The following ITGA9 variants were observed in gnomAD, a reference collection of about 807,000 sequenced individuals.
ITGA9 encodes the protein integrin alpha-9.
In ITGA9, 56 loss-of-function variants were observed where a neutral mutation model predicts 127.8. The observed-to-expected ratio is 0.44, with a 90% confidence interval of 0.35 to 0.55. The LOEUF (loss-of-function observed/expected upper bound fraction) is 0.55, where lower values mean the gene tolerates loss of function less well. Among genes scored for constraint, ITGA9 ranks in the 20% least tolerant of loss-of-function variants. The probability of loss-of-function intolerance (pLI) is 0.00; values close to 1 mark genes in which losing one functional copy is unlikely to be tolerated. For synonymous variants in ITGA9, 508 were observed against 514.5 expected (o/e 0.99, Z 0.17); for missense variants, 1,196 against 1,347.1 (o/e 0.89, Z 1.76).
rs150374185 is a variant in ITGA9, at chr3:37,574,780, G to T, written c.1689+32195G>T. Among the ~76,000 whole-genome samples the T allele has an allele frequency of 5.0e-3, 754 of 152,216 alleles. 7 individuals are homozygous for T. The highest frequency in any genetic ancestry group is 0.015 in the African/African-American group (635 of 41,528). ...TCTTTGCAGAAGGGGGGTTTCTTTG[G>T]GTGGGGCTGTGCTCAGCCCTTCCGG... is the stretch of plus-strand genomic sequence containing the variant. On this transcript the variant is annotated intron_variant, in intron 15 of 27. Coordinates refer to ENST00000264741, the MANE Select transcript of ITGA9 (RefSeq NM_002207.3).
At chr3:37,567,340 G>A (rs1405943147) in intron 15 of ITGA9, among the ~76,000 whole-genome samples, 1 of 152,114 alleles carries the variant, frequency 6.6e-6, no homozygotes, top group Admixed American at 6.5e-5. Flanking sequence ...ACCTCCCACT[G>A]GGTCCCTCCC....
At chr3:37,493,358 G>T (rs1559519786) in intron 4 of ITGA9, among the ~76,000 whole-genome samples, 2 of 152,164 alleles carry the variant, frequency 1.3e-5, no homozygotes, top group African/African-American at 4.8e-5. Flanking sequence ...TGGTACCAGA[G>T]ACTTGCCAGG....
intron 17 of ITGA9, among the ~76,000 whole-genome samples, chr3:37,669,184 C>A (rs774582157): frequency 1.9e-4 from 29 of 152,366 alleles, no homozygotes; most frequent in South Asian, 1.2e-3. Context: ...ACATCCCTTG[C>A]TGTGCAGGTG....
chr3:37,779,803 C>A, intron 24 of ITGA9, 99 bp from the exon 25 acceptor site: 1 of 1,172,252 alleles, frequency 8.5e-7, no homozygotes, highest in Non-Finnish European at 1.3e-6. Flanking sequence ...CTGGAATTGC[C>A]TTAGTCACCA....
At chr3:37,628,653 G>C (rs926516152) in intron 15 of ITGA9, among the ~76,000 whole-genome samples, 9 of 152,136 alleles carry the variant, frequency 5.9e-5, no homozygotes, top group Non-Finnish European at 7.3e-5. Flanking sequence ...TGGGGCTTGA[G>C]ATTCTTGGAT....
intron 15 of ITGA9, among the ~76,000 whole-genome samples, chr3:37,600,186 T>A (rs561291961): frequency 6.6e-6 from 1 of 152,142 alleles, no homozygotes; most frequent in Non-Finnish European, 1.5e-5. Flanking sequence ...ACTTAGTCAA[T>A]AAAAAATAAG....
At chr3:37,466,029 A>T (rs781353208) in intron 1 of ITGA9, among the ~76,000 whole-genome samples, 1 of 152,096 alleles carries the variant, frequency 6.6e-6, no homozygotes, top group Non-Finnish European at 1.5e-5. Flanking sequence ...CCTATCTGTA[A>T]AATGGGGATA....
At chr3:37,741,422 C>G (rs1026715093) in intron 20 of ITGA9, among the ~76,000 whole-genome samples, 1 of 152,206 alleles carries the variant, frequency 6.6e-6, no homozygotes, top group South Asian at 2.1e-4. Flanking sequence ...GCACGACCCT[C>G]CTGTATGGCA....
rs138433560 is a variant in ITGA9 at position 37,706,080 on chromosome 3, G to C, written c.2067+22065G>C. 1.9e-3 allele frequency among the ~76,000 whole-genome samples: 290 copies of C among 152,282 alleles called. 1 individual carries two copies. Among genetic ancestry groups the C allele is most frequent in the African/African-American group, 6.7e-3 (280 of 41,554 alleles). Reference sequence around the variant, plus strand: ...CTCTGTGGGGTGGGTGTGCCATTTGGGGGGAAATGAAACCAGAGGAAGTTT... The same window carrying C: ...CTCTGTGGGGTGGGTGTGCCATTTGCGGGGAAATGAAACCAGAGGAAGTTT... On this transcript the variant is annotated intron_variant, in intron 18 of 27. Transcript: ENST00000264741.
intron 18 of ITGA9, among the ~76,000 whole-genome samples, chr3:37,701,657 C>T (rs1315590657): frequency 1.3e-5 from 2 of 152,328 alleles, no homozygotes; most frequent in South Asian, 4.1e-4. Flanking sequence ...AAAAAGTCCT[C>T]AGGTGAAAAA....
At chr3:37,689,506 G>C (rs1252526228) in intron 18 of ITGA9, among the ~76,000 whole-genome samples, 1 of 152,192 alleles carries the variant, frequency 6.6e-6, no homozygotes. Flanking sequence ...GTTGCCTGCC[G>C]GGCAAGGAAC....
chr3:37,473,401 G>T lies in ITGA9; in HGVS notation c.361G>T (p.Asp121Tyr). 1 of 1,614,126 alleles carries T rather than the reference G, an allele frequency of 6.2e-7. No homozygotes were observed. Residue 121 changes from aspartate (D) to tyrosine (Y), a missense_variant, in exon 3 of 28, where the codon GAT (aspartate) becomes TAT (tyrosine). Physicochemically the swap from Asp to Tyr is radical, Grantham distance 160 (BLOSUM62 -3). Coordinates refer to ENST00000264741, the MANE Select transcript of ITGA9 (RefSeq NM_002207.3). ...SCGKTCREDR[D>Y]DEWMGVSLAR... is the part of the protein sequence containing the mutation. ...CGGAAAGACCTGCCGGGAAGACCGC[G>T]ATGATGAGTGGATGGGGGTGAGCCT...
In ITGA9 at chr3:37,532,161, T is replaced by C. The variant is rs75543205; in HGVS notation, c.1374-1153T>C. 9.0e-3 allele frequency among the ~76,000 whole-genome samples: 1,373 copies of C among 152,366 alleles called. 21 individuals are homozygous for C. The highest frequency in any genetic ancestry group is 0.031 in the African/African-American group (1,304 of 41,576). ...GCTATTGTCTGACTTCCGTTTGTCCTGTGGCCAGATTTGCTCTGGAAGTCC... is the reference window on the plus strand; with the variant it reads ...GCTATTGTCTGACTTCCGTTTGTCCCGTGGCCAGATTTGCTCTGGAAGTCC... On this transcript the variant is annotated intron_variant, in intron 13 of 27. Coordinates refer to ENST00000264741, the MANE Select transcript of ITGA9 (RefSeq NM_002207.3).
Position 37,475,116 on chromosome 3 carries a change from T to C in ITGA9, c.420+1656T>C, listed in dbSNP as rs538669540. Among the ~76,000 whole-genome samples the C allele has an allele frequency of 1.6e-3, 251 of 152,294 alleles. 2 individuals are homozygous for C. The South Asian group carries it at 0.028, about 17-fold the overall frequency. On this transcript the variant is annotated intron_variant, in intron 3 of 27. Coordinates refer to ENST00000264741, the MANE Select transcript of ITGA9 (RefSeq NM_002207.3). ...CTGTCATGGCTGGCCCTGGACCCTC[T>C]CCAAACTTCCACATTCCTCCAGGCA... is the stretch of plus-strand genomic sequence containing the variant.
At chr3:37,665,138 A>G (rs192445613) in intron 17 of ITGA9, among the ~76,000 whole-genome samples, 347 of 151,796 alleles carry the variant, frequency 2.3e-3, no homozygotes, top group African/African-American at 6.9e-3. Context: ...ATGCCCAGCT[A>G]ATTTTTGTAT....
Position 37,789,701 on chromosome 3 carries a change from G to A in ITGA9, c.2889+4623G>A, listed in dbSNP as rs369801910. ...GGAGAATGGCGTGAACCCAGAAGGCGGAGCTTGCAGTGAGCTGAGATCACG... is the reference window on the plus strand; with the variant it reads ...GGAGAATGGCGTGAACCCAGAAGGCAGAGCTTGCAGTGAGCTGAGATCACG... On this transcript the variant is annotated intron_variant, in intron 26 of 27. Transcript: ENST00000264741. Among the ~76,000 whole-genome samples the A allele has an allele frequency of 2.3e-4, 33 of 144,948 alleles. No homozygotes were observed. The East Asian group carries it at 2.9e-3, about 13-fold the overall frequency.
intron 20 of ITGA9, 83 bp from the exon 21 acceptor site, chr3:37,741,647 C>A: frequency 9.3e-7 from 1 of 1,069,556 alleles, no homozygotes; most frequent in Non-Finnish European, 1.4e-6. Context: ...TGTAGAGATT[C>A]AACTCTAAAG....
intron 15 of ITGA9, among the ~76,000 whole-genome samples, chr3:37,588,545 G>A (rs1699782346): frequency 6.6e-6 from 1 of 152,236 alleles, no homozygotes; most frequent in South Asian, 2.1e-4. Context: ...GGCTGTTGGG[G>A]CAGGGATTTC....
intron 1 of ITGA9, among the ~76,000 whole-genome samples, chr3:37,456,551 C>T (rs1430029116): frequency 6.6e-6 from 1 of 152,204 alleles, no homozygotes; most frequent in Non-Finnish European, 1.5e-5. Context: ...CCTTCTCTGC[C>T]CCAGACGCCC....
Sources: allele counts gnomAD v4.1 joint callset (sites outside exome capture counted in the v4.1 genomes callset), GRCh38; gene constraint gnomAD v4.1.1; transcripts MANE v1.5; gene names NCBI Gene and HGNC (gene_info 2026-07-23, HGNC 2026-07-21).